TLL2: variants seen among roughly 807,000 people sequenced by gnomAD.
TLL2 encodes the protein tolloid-like protein 2.
A neutral mutation model predicts 123.0 loss-of-function variants in TLL2; 106 were observed. That is an observed-to-expected ratio of 0.86 (90% CI 0.74 to 1.01). The LOEUF is 1.01. TLL2 is among the 50% of genes least tolerant of loss of function. The probability of loss-of-function intolerance (pLI) is 0.00; values close to 1 mark genes in which losing one functional copy is unlikely to be tolerated. For synonymous variants in TLL2, 494 were observed against 516.8 expected, an observed-to-expected ratio of 0.96 and a Z score of 0.60; for missense variants, 1,332 against 1,336.7, an observed-to-expected ratio of 1.00 and a Z score of 0.06.
In TLL2 at chr10:96,376,751, G is replaced by A. The variant is rs759840070; in HGVS notation, c.2389C>T (p.Pro797Ser). 2 of 1,603,888 alleles carry A rather than the reference G, an allele frequency of 1.2e-6. No individual in the cohort carries two copies. Among genetic ancestry groups the A allele is most frequent in the African/African-American group, 2.7e-5 (2 of 74,148 alleles). ...TTCCAGGTACACTCCCTCCGGCTGG[G>A]GTATTTGTCAGGCCAGTTGGGGCTC... ...LASPNWPDKY[P>S]SRRECTWNIS... Residue 797 changes from proline to serine, a missense_variant, in exon 18 of 21, where the codon CCC becomes TCC. Coordinates refer to ENST00000357947, the MANE Select transcript of TLL2 (RefSeq NM_012465.4).
intron 1 of TLL2, among the ~76,000 whole-genome samples, chr10:96,502,835 G>A (rs1847547521): frequency 1.3e-5 from 2 of 152,196 alleles, no homozygotes; most frequent in South Asian, 4.1e-4. Flanking sequence ...ATTGCAGGAT[G>A]AGACAGAAGA....
intron 13 of TLL2, among the ~76,000 whole-genome samples, chr10:96,388,585 C>G (rs748103079): frequency 1.3e-5 from 2 of 152,184 alleles, no homozygotes; most frequent in Non-Finnish European, 2.9e-5. Flanking sequence ...TGAAAACTCC[C>G]AGAGACAGGA....
rs760878696 is a variant in TLL2 at position 96,368,076 on chromosome 10, A to G, written c.*12T>C. The G allele has an allele frequency of 1.7e-5, 27 of 1,611,670 alleles. No homozygotes were observed. Among genetic ancestry groups the G allele is most frequent in the Non-Finnish European group, 2.1e-5 (25 of 1,179,102 alleles). Reference sequence around the variant, plus strand: ...AAAAATTCTCAGTTTCTGTCTTTCAAGAACATCAGCACTATTTCTTCATGT... The same window carrying G: ...AAAAATTCTCAGTTTCTGTCTTTCAGGAACATCAGCACTATTTCTTCATGT... On this transcript the variant is annotated 3_prime_UTR_variant, in exon 21 of 21. Coordinates refer to ENST00000357947, the MANE Select transcript of TLL2 (RefSeq NM_012465.4).
chr10:96,500,810 G>GAGGGAGGGAGGC (rs71034381), intron 1 of TLL2, among the ~76,000 whole-genome samples: 83,446 of 138,864 alleles, frequency 0.6, 25,453 homozygotes, highest in Middle Eastern at 0.78. Flanking sequence ...GGGACGGAGG[G>GAGGGAGGGAGGC]AGGGAGGGAG....
chr10:96,411,568 G>A (rs730179), intron 8 of TLL2, among the ~76,000 whole-genome samples: 57,489 of 152,018 alleles, frequency 0.38, 11,115 homozygotes, highest in Middle Eastern at 0.41. Context: ...AAGGGTACCT[G>A]TATGAATCCT....
chr10:96,461,741 A>G (rs1401448319), intron 2 of TLL2, among the ~76,000 whole-genome samples: 2 of 152,108 alleles, frequency 1.3e-5, no homozygotes, highest in Non-Finnish European at 2.9e-5. Context: ...CATCTCTTCC[A>G]AGGCCTTGTG....
At chr10:96,445,501 C>T (rs941594758) in intron 3 of TLL2, among the ~76,000 whole-genome samples, 1 of 152,346 alleles carries the variant, frequency 6.6e-6, no homozygotes, top group Middle Eastern at 3.4e-3. Context: ...ACCTGCTTCC[C>T]ACTTAGTAGA....
intron 3 of TLL2, among the ~76,000 whole-genome samples, chr10:96,434,823 A>G (rs1285815595): frequency 6.6e-6 from 1 of 152,120 alleles, no homozygotes; most frequent in African/African-American, 2.4e-5. Flanking sequence ...CAGGGTTCCA[A>G]TGTCTCCACA....
intron 16 of TLL2, among the ~76,000 whole-genome samples, chr10:96,380,914 T>TA (rs1322449368): frequency 1.3e-5 from 2 of 150,958 alleles, no homozygotes; most frequent in African/African-American, 2.4e-5. Context: ...GAGGCGGAGA[T>TA]TGCGGTGAGC....
chr10:96,414,006 C>G (rs1564902331), intron 7 of TLL2, among the ~76,000 whole-genome samples: 1 of 152,102 alleles, frequency 6.6e-6, no homozygotes, highest in East Asian at 1.9e-4. Context: ...CATGGCAGCC[C>G]CTTCTATCTC....
chr10:96,382,201 T>C (rs1295623012), intron 16 of TLL2, among the ~76,000 whole-genome samples: 1 of 152,250 alleles, frequency 6.6e-6, no homozygotes, highest in African/African-American at 2.4e-5. Context: ...AGCTTATTTT[T>C]TGCATTTTTA....
At chr10:96,431,925 G>A (rs34812648) in intron 4 of TLL2, among the ~76,000 whole-genome samples, 5,523 of 152,192 alleles carry the variant, frequency 0.036, 124 homozygotes, top group Middle Eastern at 0.078. Flanking sequence ...TCAAGTGTGA[G>A]TGCTCAGGGG....
intron 2 of TLL2, among the ~76,000 whole-genome samples, chr10:96,449,776 C>T (rs1846937237): frequency 6.6e-6 from 1 of 152,154 alleles, no homozygotes; most frequent in Non-Finnish European, 1.5e-5. Context: ...ACTTAGAGTG[C>T]CTTGGCTTTC....
chr10:96,450,452 TAA>T (rs1411421145), intron 2 of TLL2, among the ~76,000 whole-genome samples: 1 of 152,094 alleles, frequency 6.6e-6, no homozygotes, highest in Non-Finnish European at 1.5e-5. Flanking sequence ...ATGGGGAGTT[TAA>T]AGAGTTCCCC....
At chr10:96,434,148 C>T (rs1012950739) in intron 3 of TLL2, among the ~76,000 whole-genome samples, 5 of 152,074 alleles carry the variant, frequency 3.3e-5, no homozygotes, top group Non-Finnish European at 7.4e-5. Flanking sequence ...CTTGTTTTAT[C>T]CTGACATTTC....
rs200567565 is a variant in TLL2, at chr10:96,370,324, G to A, written c.2663-9C>T. 3 of 1,549,874 alleles carry A rather than the reference G, an allele frequency of 1.9e-6. No homozygotes were observed. Among genetic ancestry groups the A allele is most frequent in the Non-Finnish European group, 2.6e-6 (3 of 1,145,634 alleles). On this transcript the variant is annotated splice_polypyrimidine_tract_variant and intron_variant, in intron 19 of 20. Coordinates refer to ENST00000357947, the MANE Select transcript of TLL2 (RefSeq NM_012465.4). ...CAGCCTGCCCCCGCACTCTGGAGCAGAGAGAAGTGAGATGTCCCCTCAGCA... is the reference window on the plus strand; with the variant it reads ...CAGCCTGCCCCCGCACTCTGGAGCAAAGAGAAGTGAGATGTCCCCTCAGCA...
chr10:96,450,617 A>G (rs1212100422), intron 2 of TLL2, among the ~76,000 whole-genome samples: 1 of 152,216 alleles, frequency 6.6e-6, no homozygotes, highest in Non-Finnish European at 1.5e-5. Context: ...GACACTTTGA[A>G]CACTAGCAAA....
At chr10:96,383,609 CTTCATTT>C (rs199988991) in intron 16 of TLL2, among the ~76,000 whole-genome samples, 24,633 of 148,008 alleles carry the variant, frequency 0.17, 2,157 homozygotes, top group East Asian at 0.2. Flanking sequence ...ACCTCTTTTT[CTTCATTT>C]TTTATTTTTT....
intron 1 of TLL2, among the ~76,000 whole-genome samples, chr10:96,493,290 A>G (rs557677859): frequency 6.6e-6 from 1 of 152,338 alleles, no homozygotes; most frequent in South Asian, 2.1e-4. Context: ...CATGGAGAGG[A>G]GGAATGACTA....
Sources: gnomAD v4.1 joint callset for allele counts (sites outside exome capture counted in the v4.1 genomes callset) on GRCh38, gnomAD v4.1.1 for gene constraint, MANE v1.5 for transcripts, NCBI Gene and HGNC (gene_info 2026-07-23, HGNC 2026-07-21) for gene names.